The following RAPGEF2 variants were observed in gnomAD, a reference collection of about 807,000 sequenced individuals.
RAPGEF2 encodes PDZ domain containing guanine nucleotide exchange factor (GEF) 1.
A neutral mutation model predicts 186.7 loss-of-function variants in RAPGEF2; 54 were observed. The ratio of observed to expected loss-of-function variants is 0.29; its 90% CI spans 0.23 to 0.36. The LOEUF (loss-of-function observed/expected upper bound fraction) is 0.36, where lower values mean the gene tolerates loss of function less well. Ranked by LOEUF, RAPGEF2 falls within the 10% of genes least tolerant of loss-of-function variation. The pLI is 1.00. For missense variants in RAPGEF2, 1,532 were observed against 2,045.0 expected (o/e 0.75, Z 4.84); for synonymous variants, 712 against 705.9 (o/e 1.01, Z -0.14).
chr4:159,356,289 A>G, intron 29 of RAPGEF2, 131 bp downstream of exon 29: 1 of 967,170 alleles, frequency 1.0e-6, no homozygotes, highest in Non-Finnish European at 1.5e-6. Flanking sequence ...AGTACACTAC[A>G]TTCAGAGTTC....
rs11381317 is a variant in RAPGEF2 at position 159,353,243 on chromosome 4, A to ATT, written c.4092-232_4092-231dup. ...GAGCCACCCTTAATGTTGTCGGGGA[A>ATT]TTTTTTTTTTTTTAATGGCACGTTG... On this transcript the variant is annotated intron_variant, in intron 27 of 29. Transcript: ENST00000691494. The surrounding 1 kb of genome is among the most constrained non-coding windows in gnomAD (Gnocchi z 4.3). 7.3e-4 allele frequency among the ~76,000 whole-genome samples: 108 copies of ATT among 147,284 alleles called. No homozygotes were observed. Among genetic ancestry groups the ATT allele is most frequent in the African/African-American group, 9.2e-4 (37 of 40,040 alleles).
chr4:159,220,306 A>C (rs1273570311), intron 4 of RAPGEF2, among the ~76,000 whole-genome samples: 1 of 151,940 alleles, frequency 6.6e-6, no homozygotes, highest in African/African-American at 2.4e-5. Context: ...TGAGAGAGGT[A>C]CAAAGGTGAT....
rs114113684 is a variant in RAPGEF2 at position 159,335,882 on chromosome 4, C to G, written c.2136-2429C>G. 8.2e-3 allele frequency among the ~76,000 whole-genome samples: 1,194 copies of G among 146,224 alleles called. 15 individuals carry two copies. The highest frequency in any genetic ancestry group is 0.028 in the African/African-American group (1,119 of 39,748). Reference sequence around the variant, plus strand: ...AAAGGTTGAGTGTGCCTGCAAGATGCTAATATTTGTAGCCTTTTGTGCCGG... The same window carrying G: ...AAAGGTTGAGTGTGCCTGCAAGATGGTAATATTTGTAGCCTTTTGTGCCGG... On this transcript the variant is annotated intron_variant, in intron 17 of 29. Transcript: ENST00000691494.
intron 1 of RAPGEF2, among the ~76,000 whole-genome samples, chr4:159,128,339 C>G (rs1740608104): frequency 6.6e-6 from 1 of 152,062 alleles, no homozygotes. Flanking sequence ...GTTTTCTCAC[C>G]TGTAAAATGG....
At chr4:159,295,445 T>G (rs1473244435) in intron 7 of RAPGEF2, among the ~76,000 whole-genome samples, 1 of 152,106 alleles carries the variant, frequency 6.6e-6, no homozygotes, top group East Asian at 1.9e-4. Flanking sequence ...GAGAATGGTC[T>G]GGCTGTCACT....
At chr4:159,268,914 T>G (rs1001948283) in intron 7 of RAPGEF2, among the ~76,000 whole-genome samples, 2 of 152,204 alleles carry the variant, frequency 1.3e-5, no homozygotes, top group Non-Finnish European at 2.9e-5. Context: ...GGGAGTTTTC[T>G]GGCATCACAC....
At chr4:159,143,123 A>G (rs987660168) in intron 1 of RAPGEF2, among the ~76,000 whole-genome samples, 1 of 152,132 alleles carries the variant, frequency 6.6e-6, no homozygotes, top group African/African-American at 2.4e-5. Flanking sequence ...TGTAGTCTCA[A>G]TTACTTGGGA....
intron 1 of RAPGEF2, among the ~76,000 whole-genome samples, chr4:159,151,818 T>C (rs901661366): frequency 1.3e-5 from 2 of 152,132 alleles, no homozygotes; most frequent in African/African-American, 2.4e-5. Context: ...TTTAAAGCTT[T>C]GCATCTTAGG....
At position 159,188,252 on chromosome 4, in the gene RAPGEF2, A is replaced by G. The variant is rs187648188; in HGVS notation, c.140+1540A>G. 1.6e-3 allele frequency among the ~76,000 whole-genome samples: 247 copies of G among 152,366 alleles called. 1 individual carries two copies. The highest frequency in any genetic ancestry group is 5.5e-3 in the African/African-American group (230 of 41,586). On this transcript the variant is annotated intron_variant, in intron 2 of 29. Coordinates refer to ENST00000691494, the MANE Select transcript of RAPGEF2 (RefSeq NM_001394067.2). ...AATGTCACATTCCCACTGTGCACAT[A>G]AAACCACACATGTAATATTTAGATA...
At chr4:159,107,760 A>G (rs1179197142) in intron 1 of RAPGEF2, among the ~76,000 whole-genome samples, 2 of 152,236 alleles carry the variant, frequency 1.3e-5, no homozygotes, top group Admixed American at 1.3e-4. Flanking sequence ...TTTAGCTCAG[A>G]GAACTGTAAA....
chr4:159,244,511 A>G (rs1754381737), intron 7 of RAPGEF2, among the ~76,000 whole-genome samples: 4 of 151,954 alleles, frequency 2.6e-5, no homozygotes, highest in Admixed American at 2.6e-4. Context: ...GATTTTCATT[A>G]TGAGTTCTTT....
intron 1 of RAPGEF2, among the ~76,000 whole-genome samples, chr4:159,178,507 G>A (rs937603256): frequency 4.0e-5 from 6 of 151,380 alleles, no homozygotes; most frequent in Non-Finnish European, 7.4e-5. Flanking sequence ...CCCAGGATGT[G>A]GGGTACTCTC....
intron 1 of RAPGEF2, among the ~76,000 whole-genome samples, chr4:159,116,656 A>G (rs557147097): frequency 3.5e-4 from 53 of 152,274 alleles, no homozygotes; most frequent in Non-Finnish European, 6.5e-4. Flanking sequence ...CATGGAATCA[A>G]TCCAAATGTC....
At chr4:159,115,369 A>G (rs1390386990) in intron 1 of RAPGEF2, among the ~76,000 whole-genome samples, 1 of 152,204 alleles carries the variant, frequency 6.6e-6, no homozygotes, top group Non-Finnish European at 1.5e-5. Flanking sequence ...TTGATATTTT[A>G]AATAATAAGT....
intron 1 of RAPGEF2, among the ~76,000 whole-genome samples, chr4:159,118,546 GA>G (rs1247192676): frequency 1.4e-5 from 2 of 142,844 alleles, no homozygotes; most frequent in East Asian, 4.8e-4. Context: ...CCTGGTGCCA[GA>G]AGGGTTGGGG....
intron 7 of RAPGEF2, among the ~76,000 whole-genome samples, chr4:159,275,653 T>A (rs573647673): frequency 2.0e-5 from 3 of 152,286 alleles, no homozygotes; most frequent in East Asian, 3.9e-4. Context: ...TTGTCATAGA[T>A]GTTTTATTTT....
intron 1 of RAPGEF2, among the ~76,000 whole-genome samples, chr4:159,157,352 G>GA (rs1351666033): frequency 2.0e-5 from 3 of 152,006 alleles, no homozygotes; most frequent in Non-Finnish European, 4.4e-5. Flanking sequence ...TGAAAAAAAA[G>GA]AAAAAAAGCC....
At chr4:159,302,067 TTTGACAGTCTTTATGGTTCTGAGCC>T (rs2111036725) in intron 7 of RAPGEF2, among the ~76,000 whole-genome samples, 1 of 152,306 alleles carries the variant, frequency 6.6e-6, no homozygotes, top group South Asian at 2.1e-4. Context: ...TTCTTTCTCT[TTTGACAGTCTTTATGGTTCTGAGCC>T]TAACATTTCC....
chr4:159,238,636 A>G (rs1434510117), intron 4 of RAPGEF2, among the ~76,000 whole-genome samples, 173 bp from the exon 5 acceptor site: 1 of 152,204 alleles, frequency 6.6e-6, no homozygotes, highest in Non-Finnish European at 1.5e-5. Context: ...AAGAATTTGA[A>G]TGCTTTCTTG....
Sources: gnomAD v4.1 joint callset for allele counts (sites outside exome capture counted in the v4.1 genomes callset) on GRCh38, gnomAD v4.1.1 for gene constraint, Gnocchi (gnomAD v3.1) non-coding constraint, MANE v1.5 for transcripts, NCBI Gene and HGNC (gene_info 2026-07-23, HGNC 2026-07-21) for gene names.